GPATCH2: variants seen among roughly 807,000 people sequenced by gnomAD.
GPATCH2 encodes G patch domain-containing protein 2.
In GPATCH2, 51 loss-of-function variants were observed where a neutral mutation model predicts 58.0. That is an observed-to-expected ratio of 0.88 (90% CI 0.70 to 1.11). GPATCH2 has a LOEUF of 1.11. Among genes scored for constraint, GPATCH2 ranks in the 50% most tolerant of loss-of-function variants. The pLI is 0.00. For missense variants in GPATCH2, 625 were observed against 652.2 expected (o/e 0.96, Z 0.45); for synonymous variants, 222 against 218.5 (o/e 1.02, Z -0.14).
At chr1:217,557,534 C>T (rs1000681420) in intron 5 of GPATCH2, among the ~76,000 whole-genome samples, 3 of 151,810 alleles carry the variant, frequency 2.0e-5, no homozygotes, top group Non-Finnish European at 4.4e-5. Flanking sequence ...AGTTGTTCTC[C>T]GATATTTGTT....
chr1:217,570,726 C>T (rs953766539), intron 5 of GPATCH2, among the ~76,000 whole-genome samples: 7 of 152,038 alleles, frequency 4.6e-5, no homozygotes, highest in Non-Finnish European at 7.4e-5. Flanking sequence ...GGAACAGAGA[C>T]GATTAATCAC....
In GPATCH2 at chr1:217,569,432, C is replaced by T. The variant is rs188521741; in HGVS notation, c.1098+40889G>A. Among the ~76,000 whole-genome samples, 503 of 152,180 alleles carry T rather than the reference C, an allele frequency of 3.3e-3. 6 individuals are homozygous for T. The highest frequency in any genetic ancestry group is 3.7e-3 in the Non-Finnish European group (250 of 68,022). Reference sequence around the variant, plus strand: ...AAGCCCAGCCAGGCACAATGGCTCACGCCTGTAATCACAGCACTTTGGGAG... The same window carrying T: ...AAGCCCAGCCAGGCACAATGGCTCATGCCTGTAATCACAGCACTTTGGGAG... On this transcript the variant is annotated intron_variant, in intron 5 of 9. Transcript: ENST00000366935.
intron 5 of GPATCH2, among the ~76,000 whole-genome samples, chr1:217,572,984 CA>C (rs1166333869): frequency 6.6e-6 from 1 of 152,126 alleles, no homozygotes; most frequent in East Asian, 1.9e-4. Context: ...GGACAAAATC[CA>C]GATGTCCTGC....
In GPATCH2 at chr1:217,622,266, C is replaced by T. The variant is rs143057377; in HGVS notation, c.57-1767G>A. On this transcript the variant is annotated intron_variant, in intron 1 of 9. Coordinates refer to ENST00000366935, the MANE Select transcript of GPATCH2 (RefSeq NM_018040.5). ...CAACACAAGGGACAGGGTGGCATAG[C>T]TGGTGAAAGTAAACTGAGCTCAAAG... 6.2e-4 allele frequency among the ~76,000 whole-genome samples: 95 copies of T among 152,220 alleles called. 2 individuals carry two copies. In the East Asian group the frequency reaches 0.016, roughly 25 times the overall value.
chr1:217,498,484 T>A (rs1199254603), intron 6 of GPATCH2, 89 bp from the exon 7 acceptor site: 2 of 927,926 alleles, frequency 2.2e-6, no homozygotes, highest in African/African-American at 3.2e-5. Context: ...TTAAGAAATT[T>A]GTCACCAGCA....
chr1:217,460,373 A>G (rs1660149691), intron 8 of GPATCH2, among the ~76,000 whole-genome samples: 1 of 152,226 alleles, frequency 6.6e-6, no homozygotes, highest in South Asian at 2.1e-4. Context: ...CTATGCCATC[A>G]GACAGGAAAT....
At chr1:217,630,884 G>A in intron 1 of GPATCH2, 32 bp downstream of exon 1, 1 of 1,544,204 alleles carries the variant, frequency 6.5e-7, no homozygotes, top group Non-Finnish European at 8.8e-7. Context: ...ACCCTTCCCT[G>A]ACCTCCCCCT....
chr1:217,467,534 C>T, intron 8 of GPATCH2, among the ~76,000 whole-genome samples: 1 of 151,992 alleles, frequency 6.6e-6, no homozygotes, highest in East Asian at 1.9e-4. Flanking sequence ...TCTGAGATTG[C>T]TGTCTGTGTA....
intron 8 of GPATCH2, among the ~76,000 whole-genome samples, chr1:217,484,969 T>C (rs895752368): frequency 1.5e-4 from 23 of 152,284 alleles, no homozygotes; most frequent in African/African-American, 5.3e-4. Flanking sequence ...GTGGGTTAAG[T>C]TTTCTATGTG....
At position 217,610,351 on chromosome 1, in the gene GPATCH2, A is replaced by G; in HGVS notation, c.1068T>C (p.Ile356=). The change falls in exon 5 of 10, where the codon ATT becomes ATC. Residue 356 remains isoleucine (I), a synonymous_variant. Coordinates refer to ENST00000366935, the MANE Select transcript of GPATCH2 (RefSeq NM_018040.5). ...SRLHGMSSKN[I]KKSGGTPTSM... ...AAGTTGGAGTCCCTCCAGATTTTTTAATATTCTTTGAAGACATTCCATGAA... is the reference window on the plus strand; with the variant it reads ...AAGTTGGAGTCCCTCCAGATTTTTTGATATTCTTTGAAGACATTCCATGAA... 6.2e-7 allele frequency: 1 copy of G among 1,603,462 alleles called. No homozygotes were observed.
intron 8 of GPATCH2, 57 bp downstream of exon 8, chr1:217,491,623 T>C: frequency 2.6e-6 from 2 of 782,208 alleles, no homozygotes; most frequent in South Asian, 1.5e-5. Context: ...CATTACATTC[T>C]TATAGGCATA....
chr1:217,457,334 T>C (rs1403995566), intron 8 of GPATCH2, among the ~76,000 whole-genome samples: 1 of 152,256 alleles, frequency 6.6e-6, no homozygotes, highest in Non-Finnish European at 1.5e-5. Context: ...GGCATGTTAC[T>C]TACATTCTCT....
intron 8 of GPATCH2, among the ~76,000 whole-genome samples, chr1:217,468,623 G>C (rs1463110113): frequency 6.6e-6 from 1 of 151,476 alleles, no homozygotes; most frequent in Non-Finnish European, 1.5e-5. Context: ...ATATATCAAA[G>C]GGAATCTGAG....
chr1:217,469,808 G>A (rs547270556), intron 8 of GPATCH2, among the ~76,000 whole-genome samples: 4 of 152,146 alleles, frequency 2.6e-5, no homozygotes, highest in Non-Finnish European at 5.9e-5. Context: ...AGTATTTTCA[G>A]TGTGGCAGAT....
rs71556690 is a variant in GPATCH2, at chr1:217,584,344, AAT to A, written c.1098+25975_1098+25976del. On this transcript the variant is annotated intron_variant, in intron 5 of 9. Transcript: ENST00000366935. ...CTCACCTCTACTAAAAAAAAAAAAAAATATATATATATATATATATACACACA... is the reference window on the plus strand; with the variant it reads ...CTCACCTCTACTAAAAAAAAAAAAAAATATATATATATATATATACACACA... Among the ~76,000 whole-genome samples, 37 of 101,842 alleles carry A rather than the reference AAT, an allele frequency of 3.6e-4. 1 individual carries two copies. The highest frequency in any genetic ancestry group is 1.2e-3 in the East Asian group (2 of 1,644). The allele number at this position is 101,842 out of a possible 152,430, so 66.8% of individuals were successfully genotyped here. A position where few individuals can be genotyped will look rare whatever the true frequency, so the allele number is the denominator to read the frequency against.
intron 3 of GPATCH2, among the ~76,000 whole-genome samples, chr1:217,613,363 T>A (rs1295019902): frequency 6.6e-6 from 1 of 152,098 alleles, no homozygotes; most frequent in Non-Finnish European, 1.5e-5. Context: ...TTAACTAAAT[T>A]TATAATTTAA....
intron 1 of GPATCH2, among the ~76,000 whole-genome samples, chr1:217,627,124 T>C (rs1316232841): frequency 6.6e-6 from 1 of 152,086 alleles, no homozygotes; most frequent in Non-Finnish European, 1.5e-5. Flanking sequence ...TGTTTATTCA[T>C]CATAAAAATC....
intron 5 of GPATCH2, among the ~76,000 whole-genome samples, chr1:217,552,111 A>T (rs553496285): frequency 2.2e-3 from 341 of 152,192 alleles, no homozygotes; most frequent in Non-Finnish European, 4.3e-3. Context: ...AAAAATACTG[A>T]CTGCCTTACC....
At chr1:217,462,502 A>C (rs1660241236) in intron 8 of GPATCH2, among the ~76,000 whole-genome samples, 1 of 151,750 alleles carries the variant, frequency 6.6e-6, no homozygotes, top group Non-Finnish European at 1.5e-5. Context: ...CATAGAAATA[A>C]GACTAAAAAA....
Sources: gnomAD v4.1 joint callset for allele counts (sites outside exome capture counted in the v4.1 genomes callset) on GRCh38, gnomAD v4.1.1 for gene constraint, MANE v1.5 for transcripts, NCBI Gene and HGNC (gene_info 2026-07-23, HGNC 2026-07-21) for gene names.